The following HCFC1 variants were observed in gnomAD, a reference collection of about 807,000 sequenced individuals.
HCFC1 encodes the protein host cell factor 1.
In HCFC1, 7 loss-of-function variants were observed where a neutral mutation model predicts 105.5. The ratio of observed to expected loss-of-function variants is 0.07; its 90% confidence interval spans 0.04 to 0.12. The LOEUF (loss-of-function observed/expected upper bound fraction) is 0.12, where lower values mean the gene tolerates loss of function less well. Ranked by LOEUF, HCFC1 falls within the 10% of genes least tolerant of loss-of-function variation. The pLI is 1.00. For synonymous variants in HCFC1, 918 were observed against 828.1 expected (o/e 1.11, Z -1.86); for missense variants, 1,065 against 1,823.6 (o/e 0.58, Z 7.58).
Position 153,970,628 on chromosome X carries a change from C to T in HCFC1, c.193+20G>A. 6.8e-6 allele frequency: 8 copies of T among 1,167,981 alleles called. No homozygotes were observed. The highest frequency in any genetic ancestry group is 1.8e-5 in the African/African-American group (1 of 55,322). On this transcript the variant is annotated intron_variant, in intron 1 of 25. Transcript: ENST00000310441. ...TGGAGGGAGGGAAAGAGCCGAAGAC[C>T]CAGCGGGCTTTGCACTCACCCGTGT...
At position 153,954,108 on chromosome X, in the gene HCFC1, G is replaced by A. The variant is rs2065343736; in HGVS notation, c.4291C>T (p.His1431Tyr). The change falls in exon 17 of 26, where the codon CAC (histidine) becomes TAC (tyrosine). Residue 1431 changes from histidine (H) to tyrosine (Y), a missense_variant. His to Tyr is a moderately conservative substitution (Grantham distance 83, BLOSUM62 2). This residue lies in a region of HCFC1 where 546 missense variants were observed against 599.9 expected (regional missense o/e 0.91). Transcript: ENST00000310441. Reference sequence around the variant, plus strand: ...TTGGAAGTGACAGTGGTGGCCGTGTGAGTGGTGCCCGTCTCGTGGGTCTCA... The same window carrying A: ...TTGGAAGTGACAGTGGTGGCCGTGTAAGTGGTGCCCGTCTCGTGGGTCTCA... ...PCETHETGTT[H>Y]TATTVTSNMS... 8.3e-7 allele frequency: 1 copy of A among 1,209,452 alleles called. No individual in the cohort carries two copies. Among genetic ancestry groups the A allele is most frequent in the Non-Finnish European group, 1.1e-6 (1 of 893,838 alleles).
chrX:153,950,882 G>C lies in HCFC1; in HGVS notation c.5634C>G (p.Ser1878Arg). ...GGCACGTCTTAAAGGCTGAGATTTC[G>C]CTGAAGGGCCCCCGGCCACAGGCAT... ...GINACGRGPF[S>R]EISAFKTCLP... The change falls in exon 23 of 26, where the codon AGC becomes AGG. Residue 1878 changes from serine (S) to arginine (R), a missense_variant. Coordinates refer to ENST00000310441, the MANE Select transcript of HCFC1 (RefSeq NM_005334.3). The C allele has an allele frequency of 8.3e-7, 1 of 1,210,233 alleles. No individual in the cohort carries two copies. The highest frequency in any genetic ancestry group is 1.1e-6 in the Non-Finnish European group (1 of 894,899).
intron 1 of HCFC1, chrX:153,969,699 G>T (rs1381237665): frequency 8.8e-6 from 1 of 113,018 alleles, no homozygotes; most frequent in Non-Finnish European, 1.9e-5. Context: ...AACAACAAAC[G>T]GCCCCCACGA....
At chrX:153,953,812 C>G (rs781791547) in intron 17 of HCFC1, 42 bp from the exon 18 acceptor site, 3 of 1,156,280 alleles carry the variant, frequency 2.6e-6, no homozygotes, top group East Asian at 3.1e-5. Context: ...CAGGAGCCCC[C>G]CCGGCCTGTA....
At chrX:153,965,748 G>A (rs1387068883) in intron 1 of HCFC1, among the ~76,000 whole-genome samples, 1 of 113,156 alleles carries the variant, frequency 8.8e-6, no homozygotes. Context: ...CTGTGGGGTG[G>A]GAAGGCTTCC....
At chrX:153,966,943 A>G (rs782027433) in intron 1 of HCFC1, among the ~76,000 whole-genome samples, 1 of 111,918 alleles carries the variant, frequency 8.9e-6, no homozygotes, top group South Asian at 3.7e-4. Flanking sequence ...GCGCCCTGTG[A>G]TATCTTTGGG....
In HCFC1 at chrX:153,957,842, T is replaced by C. The variant is rs782249222; in HGVS notation, c.2073A>G (p.Pro691=). The change falls in exon 12 of 26, where the codon CCA becomes CCG. Residue 691 remains proline (P), a synonymous_variant. Transcript: ENST00000310441. ...GGCCTGTGACTGCTGAAGTCTGAACTGGTTTGGTCTGGACCACCGACATCA... is the reference window on the plus strand; with the variant it reads ...GGCCTGTGACTGCTGAAGTCTGAACCGGTTTGGTCTGGACCACCGACATCA... ...GKVMSVVQTK[P]VQTSAVTGQA... 14 of 1,209,115 alleles carry C rather than the reference T, an allele frequency of 1.2e-5. No individual in the cohort carries two copies. Among genetic ancestry groups the C allele is most frequent in the Non-Finnish European group, 1.5e-5 (13 of 894,025 alleles).
At position 153,948,782 on chromosome X, in the gene HCFC1, G is replaced by C. The variant is rs1479726288; in HGVS notation, c.*565C>G. 8.9e-6 allele frequency: 1 copy of C among 112,313 alleles called. No homozygotes were observed. The highest frequency in any genetic ancestry group is 1.9e-5 in the Non-Finnish European group (1 of 53,138). 9.3% of individuals were successfully genotyped at this position (112,313 alleles called of 1,213,427 possible). On this transcript the variant is annotated 3_prime_UTR_variant, in exon 26 of 26. Transcript: ENST00000310441. ...GAAAGAAGAGGGGGAGGGTAGAAGA[G>C]GTGGGAGCACAAAGGCCTCTGAGAA...
At position 153,950,539 on chromosome X, in the gene HCFC1, G is replaced by A. The variant is rs1465464691; in HGVS notation, c.5708C>T (p.Pro1903Leu). 2.6e-6 allele frequency: 3 copies of A among 1,156,972 alleles called. No individual in the cohort carries two copies. Among genetic ancestry groups the A allele is most frequent in the Non-Finnish European group, 3.5e-6 (3 of 867,975 alleles). The stretch of plus-strand genomic sequence containing the variant: ...CTCCCAGGTGAGGTGAGCACCATCC[G>A]GACTCTAGAAGCCAGGGGGTCAGAA... The part of the protein sequence containing the change: ...APCAIKISKS[P>L]DGAHLTWEPP... The change falls in exon 24 of 26, where the codon CCG becomes CTG. Residue 1903 changes from proline (P) to leucine (L), a missense_variant. Around this residue, in one of 17 missense-constraint regions of HCFC1, gnomAD observed 32 missense variants for 68.3 expected, o/e 0.47. Transcript: ENST00000310441.
At position 153,952,106 on chromosome X, in the gene HCFC1, C is replaced by T. The variant is rs371153815; in HGVS notation, c.4995G>A (p.Ala1665=). 24 of 1,147,034 alleles carry T rather than the reference C, an allele frequency of 2.1e-5. No homozygotes were observed. The highest frequency in any genetic ancestry group is 5.7e-4 in the Middle Eastern group (2 of 3,512). 94.5% of individuals were successfully genotyped at this position (1,147,034 alleles called of 1,213,427 possible). A position where few individuals can be genotyped will look rare whatever the true frequency, so the allele number is the denominator to read the frequency against. ...TSEAAATVTQ[A]ELGHLSAEGQ... ...CCTCGGCCGACAGGTGCCCCAGCTC[C>T]GCCTGAGTCACGGTTGCTGCTGCCT... The change falls in exon 20 of 26, where the codon GCG becomes GCA. Residue 1665 remains alanine (A), a synonymous_variant. Coordinates refer to ENST00000310441, the MANE Select transcript of HCFC1 (RefSeq NM_005334.3).
chrX:153,951,242 TG>T, intron 22 of HCFC1, 107 bp downstream of exon 22: 1 of 934,458 alleles, frequency 1.1e-6, no homozygotes, highest in South Asian at 2.1e-5. Flanking sequence ...TCAGGCTTCC[TG>T]GCTACTCAGC....
At chrX:153,961,362 C>T (rs893760167) in intron 6 of HCFC1, among the ~76,000 whole-genome samples, 180 bp downstream of exon 6, 3 of 111,961 alleles carry the variant, frequency 2.7e-5, no homozygotes, top group Non-Finnish European at 5.7e-5. Context: ...AGAGCTCATT[C>T]AAAAAACTCA....
chrX:153,960,204 G>C (rs1847852001), intron 7 of HCFC1, 31 bp downstream of exon 7: 1 of 1,193,260 alleles, frequency 8.4e-7, no homozygotes, highest in Non-Finnish European at 1.1e-6. Context: ...GGAGGCTATG[G>C]GAGGAGGGGA....
At chrX:153,965,700 A>G (rs1185191291) in intron 1 of HCFC1, among the ~76,000 whole-genome samples, 2 of 112,731 alleles carry the variant, frequency 1.8e-5, no homozygotes, top group Non-Finnish European at 3.8e-5. Context: ...AAGACGCAAG[A>G]TGGGTCCCCC....
At chrX:153,949,471 C>A in intron 25 of HCFC1, 82 bp downstream of exon 25, 1 of 1,148,532 alleles carries the variant, frequency 8.7e-7, no homozygotes, top group Admixed American at 2.2e-5. Flanking sequence ...GGTTAGGGGC[C>A]CCCAGTCATT....
At chrX:153,958,510 G>T in intron 10 of HCFC1, 59 bp downstream of exon 10, 1 of 1,059,556 alleles carries the variant, frequency 9.4e-7, no homozygotes, top group Non-Finnish European at 1.3e-6. Flanking sequence ...TAACTCTAAA[G>T]CCCGGAGGGA....
intron 22 of HCFC1, 37 bp from the exon 23 acceptor site, chrX:153,951,035 G>A: frequency 8.6e-7 from 1 of 1,156,945 alleles, no homozygotes; most frequent in African/African-American, 1.8e-5. Flanking sequence ...CCACTGTGGA[G>A]AAGGCAGCTC....
chrX:153,962,166 CG>C (rs2065435430), intron 5 of HCFC1, 55 bp downstream of exon 5: 1 of 961,337 alleles, frequency 1.0e-6, no homozygotes, highest in African/African-American at 1.9e-5. Flanking sequence ...GAGAGCCCTT[CG>C]GGGGAGGGGC....
In HCFC1 at chrX:153,952,896, C is replaced by T. The variant is rs2065328122; in HGVS notation, c.4560G>A (p.Leu1520=). ...CCATCAGGGCTGTGGAAGCCGACTG[C>T]AGAAGCTGCCGTGGCGGCAGCTGCT... is the stretch of plus-strand genomic sequence containing the variant. ...PRQQLPPRQL[L]QSASTALMGE... is the part of the protein sequence containing the mutation. The change falls in exon 19 of 26, where the codon CTG becomes CTA. Residue 1520 remains leucine, a synonymous_variant. Transcript: ENST00000310441. 2 of 1,181,748 alleles carry T rather than the reference C, an allele frequency of 1.7e-6. No homozygotes were observed. Among genetic ancestry groups the T allele is most frequent in the South Asian group, 1.8e-5 (1 of 54,085 alleles).
Sources: allele counts gnomAD v4.1 joint callset (sites outside exome capture counted in the v4.1 genomes callset), GRCh38; gene constraint gnomAD v4.1.1; regional missense constraint gnomAD v4.1.1; transcripts MANE v1.5; gene names NCBI Gene and HGNC (gene_info 2026-07-23, HGNC 2026-07-21).